The following RBBP8 variants were observed in gnomAD, a reference collection of about 807,000 sequenced individuals.
RBBP8 encodes the protein DNA endonuclease RBBP8.
In RBBP8, 88 loss-of-function variants were observed where a neutral mutation model predicts 108.3. The observed-to-expected ratio is 0.81, with a 90% CI of 0.68 to 0.97. The LOEUF is 0.97. RBBP8 is among the 50% of genes least tolerant of loss of function. RBBP8 has a pLI of 0.00. For synonymous variants in RBBP8, 332 were observed against 348.2 expected (o/e 0.95, Z 0.52); for missense variants, 1,023 against 1,049.0 (o/e 0.98, Z 0.34).
rs1234464917 is a variant in RBBP8 at position 22,989,330 on chromosome 18, T to C, written c.807+12T>C. On this transcript the variant is annotated intron_variant, in intron 9 of 18. Transcript: ENST00000327155. Reference sequence around the variant, plus strand: ...TTCAAGAAGAATCTGTAAGTAATTGTTTAGTTTGGCAATAACATGAATTAA... The same window carrying C: ...TTCAAGAAGAATCTGTAAGTAATTGCTTAGTTTGGCAATAACATGAATTAA... 1 of 1,551,064 alleles carries C rather than the reference T, an allele frequency of 6.4e-7. No individual in the cohort carries two copies. Among genetic ancestry groups the C allele is most frequent in the Non-Finnish European group, 8.9e-7 (1 of 1,123,686 alleles).
At chr18:22,924,539 A>G (rs1192916744) in intron 3 of RBBP8, among the ~76,000 whole-genome samples, 1 of 152,164 alleles carries the variant, frequency 6.6e-6, no homozygotes, top group Non-Finnish European at 1.5e-5. Flanking sequence ...TTCCCGCTTC[A>G]GCCTCCTGAG....
chr18:22,922,542 A>C lies in RBBP8; in HGVS notation c.-154+5516A>C, dbSNP rs1909634157. On this transcript the variant is annotated intron_variant, in intron 3 of 4. Coordinates refer to the RBBP8 transcript ENST00000577588. ...AGGTGGCAAGATCTCAGCTCACTGC[A>C]ACCTCCACCTCCCAGGCTGAAACAA... 2.6e-5 allele frequency among the ~76,000 whole-genome samples: 4 copies of C among 152,118 alleles called. No individual in the cohort carries two copies. The South Asian group carries it at 8.3e-4, about 32-fold the overall frequency.
chr18:23,006,281 GC>G, intron 15 of RBBP8, 81 bp from the exon 16 acceptor site: 1 of 1,215,500 alleles, frequency 8.2e-7, no homozygotes. Context: ...AAGTTTGAGT[GC>G]GTGTCATTTT....
intron 4 of RBBP8, among the ~76,000 whole-genome samples, chr18:22,953,036 C>T (rs1912178569): frequency 6.6e-6 from 1 of 152,156 alleles, no homozygotes; most frequent in Admixed American, 6.5e-5. Flanking sequence ...ATCAATAAGA[C>T]TTTGGACACT....
chr18:23,006,246 G>C lies in RBBP8; in HGVS notation c.2288-117G>C, dbSNP rs976116466. 4.6e-6 allele frequency: 4 copies of C among 871,892 alleles called. No homozygotes were observed. In the African/African-American group the frequency reaches 6.7e-5, roughly 15 times the overall value. The allele number at this position is 871,892 out of a possible 1,614,324, so 54.0% of individuals were successfully genotyped here. ...ATTTAAATGAGTTGCTCAGAGGCCT[G>C]GAGCATGAAACCCAATAAAAATGGA... On this transcript the variant is annotated intron_variant, in intron 15 of 18. Transcript: ENST00000327155.
rs1913370197 is a variant in RBBP8, at chr18:22,964,307, C to T, written c.249-4499C>T. Among the ~76,000 whole-genome samples, 3 of 151,150 alleles carry T rather than the reference C, an allele frequency of 2.0e-5. 1 individual carries two copies. The South Asian group carries it at 6.2e-4, about 31-fold the overall frequency. On this transcript the variant is annotated intron_variant, in intron 4 of 18. Transcript: ENST00000327155. Reference sequence around the variant, plus strand: ...TATGGGCTCTTATCTTTGCAGCATCCAGAAATTCCATAATGATGAGTTCTT... The same window carrying T: ...TATGGGCTCTTATCTTTGCAGCATCTAGAAATTCCATAATGATGAGTTCTT...
chr18:22,997,908 G>A (rs930272569), intron 14 of RBBP8, among the ~76,000 whole-genome samples, 174 bp downstream of exon 14: 22 of 152,160 alleles, frequency 1.4e-4, no homozygotes, highest in Admixed American at 5.9e-4. Context: ...CAGAAAAAAA[G>A]TCTTTAACCA....
At chr18:22,943,832 T>C (rs771025707) in intron 2 of RBBP8, among the ~76,000 whole-genome samples, 3 of 152,240 alleles carry the variant, frequency 2.0e-5, no homozygotes, top group Non-Finnish European at 4.4e-5. Flanking sequence ...CAGTGATTTT[T>C]GTTAATGCAT....
chr18:23,010,153 G>A (rs565297349), intron 16 of RBBP8, among the ~76,000 whole-genome samples: 3 of 152,274 alleles, frequency 2.0e-5, no homozygotes, highest in Admixed American at 6.5e-5. Context: ...ACTTCATTAT[G>A]TGACCCTACT....
chr18:22,952,297 G>A (rs1912111388), intron 4 of RBBP8, among the ~76,000 whole-genome samples: 1 of 152,130 alleles, frequency 6.6e-6, no homozygotes, highest in South Asian at 2.1e-4. Context: ...AGGATTCAGT[G>A]GATCTCTTAA....
At position 22,980,083 on chromosome 18, in the gene RBBP8, TA is replaced by T. The variant is rs1362157434; in HGVS notation, c.429-2130del. On this transcript the variant is annotated intron_variant, in intron 6 of 18. Coordinates refer to ENST00000327155, the MANE Select transcript of RBBP8 (RefSeq NM_002894.3). ...CAACGTGGTGAAACCCTGTCTCTAC[TA>T]AAAATACAAAAATTAGCCAGGCATG... 2.0e-5 allele frequency among the ~76,000 whole-genome samples: 3 copies of T among 152,116 alleles called. No homozygotes were observed. In the East Asian group the frequency reaches 5.8e-4, roughly 29 times the overall value.
In RBBP8 at chr18:22,949,683, T is replaced by C. The variant is rs1015472949; in HGVS notation, c.218T>C (p.Leu73Pro). 2 of 1,613,292 alleles carry C rather than the reference T, an allele frequency of 1.2e-6. No homozygotes were observed. Among genetic ancestry groups the C allele is most frequent in the Non-Finnish European group, 1.7e-6 (2 of 1,179,392 alleles). The stretch of plus-strand genomic sequence containing the variant: ...CAGCTGAGGGAACAGCAGAAAGTCC[T>C]TCATGAAACCATTAAAGTTTTAGAA... ...NQQLREQQKVLHETIKVLEDR... is the reference protein window; with the variant it reads ...NQQLREQQKVPHETIKVLEDR... The change falls in exon 4 of 19, where the codon CTT (leucine) becomes CCT (proline). Residue 73 changes from leucine (L) to proline (P), a missense_variant. Coordinates refer to ENST00000327155, the MANE Select transcript of RBBP8 (RefSeq NM_002894.3).
At chr18:22,916,093 T>C (rs1353655532) in intron 2 of RBBP8, among the ~76,000 whole-genome samples, 1 of 152,154 alleles carries the variant, frequency 6.6e-6, no homozygotes, top group Non-Finnish European at 1.5e-5. Flanking sequence ...GGAGTGTGTA[T>C]GTATTTTATA....
intron 2 of RBBP8, among the ~76,000 whole-genome samples, chr18:22,938,416 G>T (rs1910766729): frequency 6.6e-6 from 1 of 152,116 alleles, no homozygotes; most frequent in African/African-American, 2.4e-5. Flanking sequence ...TCAAACTCCT[G>T]AGTTCAGGTG....
chr18:22,935,127 G>A (rs1233631413), intron 1 of RBBP8, among the ~76,000 whole-genome samples: 1 of 151,232 alleles, frequency 6.6e-6, no homozygotes, highest in Non-Finnish European at 1.5e-5. Flanking sequence ...AACTAATGCA[G>A]TGCACCTAAT....
At chr18:22,998,330 C>T (rs2045894487) in intron 14 of RBBP8, among the ~76,000 whole-genome samples, 1 of 152,182 alleles carries the variant, frequency 6.6e-6, no homozygotes, top group African/African-American at 2.4e-5. Flanking sequence ...AGTTAATCTG[C>T]TGTATTCCAC....
chr18:23,001,837 C>A, intron 15 of RBBP8, 108 bp downstream of exon 15: 1 of 1,389,908 alleles, frequency 7.2e-7, no homozygotes, highest in South Asian at 1.3e-5. Flanking sequence ...ATTGAAGTTT[C>A]ATATTTCTTG....
intron 16 of RBBP8, among the ~76,000 whole-genome samples, chr18:23,015,644 G>C (rs578091495): frequency 1.3e-5 from 2 of 151,928 alleles, no homozygotes; most frequent in African/African-American, 4.8e-5. Context: ...TATTGAGTGA[G>C]AAATAGGGGC....
At chr18:22,946,048 C>G (rs980007077) in intron 2 of RBBP8, among the ~76,000 whole-genome samples, 4 of 152,196 alleles carry the variant, frequency 2.6e-5, no homozygotes, top group Non-Finnish European at 5.9e-5. Flanking sequence ...AGGAATTTTG[C>G]TACTAGTCCA....
Sources: allele counts gnomAD v4.1 joint callset (sites outside exome capture counted in the v4.1 genomes callset), GRCh38; gene constraint gnomAD v4.1.1; transcripts MANE v1.5; gene names NCBI Gene and HGNC (gene_info 2026-07-23, HGNC 2026-07-21).